KDM2A: variants seen among roughly 807,000 people sequenced by gnomAD.
KDM2A encodes lysine demethylase 2A.
In KDM2A, 3 loss-of-function variants were observed where a neutral mutation model predicts 137.3. The ratio of observed to expected loss-of-function variants is 0.02; its 90% confidence interval spans 0.01 to 0.06. The LOEUF (loss-of-function observed/expected upper bound fraction) is 0.06, where lower values mean the gene tolerates loss of function less well. KDM2A is among the 10% of genes least tolerant of loss of function. The pLI, the probability that KDM2A is intolerant of heterozygous loss-of-function variation, is 1.00. For synonymous variants in KDM2A, 512 were observed against 541.5 expected, an observed-to-expected ratio of 0.95 and a Z score of 0.76; for missense variants, 738 against 1,510.6, an observed-to-expected ratio of 0.49 and a Z score of 8.48.
intron 1 of KDM2A, among the ~76,000 whole-genome samples, chr11:67,120,652 G>T (rs1229040784): frequency 2.0e-5 from 3 of 152,134 alleles, no homozygotes; most frequent in African/African-American, 4.8e-5. Context: ...CTTGTGTTGG[G>T]GTGGAGGGTA....
intron 10 of KDM2A, among the ~76,000 whole-genome samples, chr11:67,226,796 G>A (rs547526909): frequency 3.1e-4 from 47 of 152,252 alleles, no homozygotes; most frequent in African/African-American, 1.0e-3. Context: ...ATGAGCACTG[G>A]CCGCGAGCTG....
intron 13 of KDM2A, among the ~76,000 whole-genome samples, 156 bp downstream of exon 13, chr11:67,243,248 T>A (rs1027136720): frequency 3.9e-5 from 6 of 152,220 alleles, no homozygotes; most frequent in African/African-American, 1.4e-4. Context: ...TTTTGACTCG[T>A]AGGTCAGGGT....
intron 10 of KDM2A, 100 bp from the exon 11 acceptor site, chr11:67,227,937 T>G (rs1858598191): frequency 8.9e-6 from 11 of 1,242,464 alleles, no homozygotes; most frequent in Non-Finnish European, 1.3e-5. Flanking sequence ...GCAGGTTGAC[T>G]GGTGAGAGTA....
At chr11:67,182,480 C>T (rs148528265) in intron 5 of KDM2A, among the ~76,000 whole-genome samples, 164 of 151,568 alleles carry the variant, frequency 1.1e-3, no homozygotes, top group African/African-American at 3.7e-3. Context: ...GGTCCTGAGA[C>T]ACCTCAGCAT....
At chr11:67,123,863 G>A (rs1482894876) in intron 2 of KDM2A, among the ~76,000 whole-genome samples, 1 of 152,056 alleles carries the variant, frequency 6.6e-6, no homozygotes, top group Non-Finnish European at 1.5e-5. Context: ...TTTTAGTAAA[G>A]ACTGAGTTTC....
At chr11:67,141,706 TAA>T (rs1174981074) in intron 2 of KDM2A, among the ~76,000 whole-genome samples, 2 of 116,586 alleles carry the variant, frequency 1.7e-5, no homozygotes, top group Non-Finnish European at 3.6e-5. Context: ...TATATATATA[TAA>T]AATTCATTGT....
At chr11:67,195,238 G>A (rs1009509915) in intron 5 of KDM2A, among the ~76,000 whole-genome samples, 1 of 151,832 alleles carries the variant, frequency 6.6e-6, no homozygotes, top group Non-Finnish European at 1.5e-5. Flanking sequence ...GCGTGGTGGC[G>A]CATGCCTATA....
At chr11:67,195,949 C>T in intron 5 of KDM2A, 1 of 426,464 alleles carries the variant, frequency 2.3e-6, no homozygotes, top group Non-Finnish European at 4.8e-6. Flanking sequence ...TTTGCCAAAT[C>T]CACAATATCT....
chr11:67,162,652 C>T (rs566429394), intron 2 of KDM2A, among the ~76,000 whole-genome samples: 18 of 152,102 alleles, frequency 1.2e-4, no homozygotes, highest in East Asian at 1.2e-3. Context: ...GTGATCCGCC[C>T]GCCTCGGCCT....
chr11:67,250,032 G>C lies in KDM2A; in HGVS notation c.2056-54G>C. ...AAGGGAGGTCCACCCTGTCGGTTCA[G>C]AGGGTTTGGAAGAAAGGAAGCACTG... On this transcript the variant is annotated intron_variant, in intron 16 of 20. Coordinates refer to ENST00000529006, the MANE Select transcript of KDM2A (RefSeq NM_012308.3). This position sits in a 1 kb window ranked among gnomAD's most constrained non-coding sequence, Gnocchi z 7.1. 6.9e-7 allele frequency: 1 copy of C among 1,447,146 alleles called. No homozygotes were observed. The highest frequency in any genetic ancestry group is 2.1e-5 in the Admixed American group (1 of 48,602). The allele number at this position is 1,447,146 out of a possible 1,614,324, so 89.6% of individuals were successfully genotyped here.
chr11:67,252,467 G>A, intron 17 of KDM2A: 1 of 554,486 alleles, frequency 1.8e-6, no homozygotes, highest in Admixed American at 2.9e-5. Flanking sequence ...AAGTGGTCAA[G>A]TTATATACTA....
intron 5 of KDM2A, chr11:67,196,373 C>G (rs758447586): frequency 6.6e-5 from 30 of 455,938 alleles, no homozygotes; most frequent in Non-Finnish European, 1.1e-4. Context: ...ATCCTGGACT[C>G]AAGCGATCTT....
chr11:67,139,320 T>C (rs1187436934), intron 2 of KDM2A, among the ~76,000 whole-genome samples: 1 of 151,828 alleles, frequency 6.6e-6, no homozygotes, highest in African/African-American at 2.4e-5. Flanking sequence ...TCTCAGCTCA[T>C]TGCAACCTCC....
At chr11:67,220,763 G>A (rs1858321889) in intron 10 of KDM2A, among the ~76,000 whole-genome samples, 1 of 152,064 alleles carries the variant, frequency 6.6e-6, no homozygotes, top group South Asian at 2.1e-4. Flanking sequence ...ACCCTACCTT[G>A]TAGCATGAAA....
intron 12 of KDM2A, among the ~76,000 whole-genome samples, chr11:67,237,860 G>A (rs906793947): frequency 8.6e-5 from 13 of 151,692 alleles, no homozygotes; most frequent in Non-Finnish European, 1.8e-4. Context: ...GGTCTAGGCT[G>A]TAGTAAGCTG....
intron 2 of KDM2A, among the ~76,000 whole-genome samples, chr11:67,138,513 G>GCTCA (rs2136290847): frequency 6.6e-6 from 1 of 152,270 alleles, no homozygotes; most frequent in East Asian, 1.9e-4. Flanking sequence ...GGGCACGGTG[G>GCTCA]CTCACACCTG....
At chr11:67,169,780 C>T (rs1184099388) in intron 2 of KDM2A, among the ~76,000 whole-genome samples, 65 of 49,602 alleles carry the variant, frequency 1.3e-3, no homozygotes, top group African/African-American at 2.5e-3. Context: ...TTTTTTGAGA[C>T]GGAGTCTCAC....
intron 2 of KDM2A, among the ~76,000 whole-genome samples, chr11:67,178,943 A>G (rs1191867470): frequency 6.6e-6 from 1 of 152,226 alleles, no homozygotes; most frequent in African/African-American, 2.4e-5. Context: ...AAGTCGTACG[A>G]TAACTTTGTT....
intron 2 of KDM2A, among the ~76,000 whole-genome samples, chr11:67,179,572 AC>A (rs1297242007): frequency 6.6e-6 from 1 of 152,082 alleles, no homozygotes; most frequent in African/African-American, 2.4e-5. Context: ...GAGCCACCGC[AC>A]CCGGCCTGGA....
Sources: gnomAD v4.1 joint callset for allele counts (sites outside exome capture counted in the v4.1 genomes callset) on GRCh38, gnomAD v4.1.1 for gene constraint, Gnocchi (gnomAD v3.1) non-coding constraint, MANE v1.5 for transcripts, NCBI Gene and HGNC (gene_info 2026-07-23, HGNC 2026-07-21) for gene names.